Variants in PACS1 observed in about 807,000 individuals in gnomAD.
The protein encoded by PACS1 is phosphofurin acidic cluster sorting protein 1, also known as PACS-1.
PACS1 carries 24 observed loss-of-function variants against 115.0 expected under a neutral mutation model. The observed-to-expected ratio is 0.21, with a 90% CI of 0.15 to 0.29. The LOEUF is 0.29. Ranked by LOEUF, PACS1 falls within the 10% of genes least tolerant of loss-of-function variation. The probability of loss-of-function intolerance (pLI) is 1.00; values close to 1 mark genes in which losing one functional copy is unlikely to be tolerated. For synonymous variants in PACS1, 453 were observed against 504.5 expected (o/e 0.90, Z 1.37); for missense variants, 838 against 1,251.2 (o/e 0.67, Z 4.98).
chr11:66,091,444 T>C (rs1184848435), intron 1 of PACS1, among the ~76,000 whole-genome samples: 3 of 151,982 alleles, frequency 2.0e-5, no homozygotes, highest in African/African-American at 7.2e-5. Flanking sequence ...CCCAGCCTGG[T>C]TTTATTTTTT....
At chr11:66,158,246 C>T (rs999064274) in intron 1 of PACS1, among the ~76,000 whole-genome samples, 1 of 152,174 alleles carries the variant, frequency 6.6e-6, no homozygotes, top group East Asian at 1.9e-4. Flanking sequence ...TGGGACTACA[C>T]GTGTGAGCCA....
rs369232658 is a variant in PACS1, at chr11:66,243,051, C to T, written c.2776+20C>T. 1.0e-4 allele frequency: 162 copies of T among 1,613,256 alleles called. No homozygotes were observed. The highest frequency in any genetic ancestry group is 1.3e-4 in the Non-Finnish European group (148 of 1,179,612). On this transcript the variant is annotated intron_variant, in intron 23 of 23. Transcript: ENST00000320580. ...TGAGAGGTGCGAGGGCAGGCAGGGC[C>T]GGGAGGAGGGCAAGAAAGGGACTGG...
intron 1 of PACS1, among the ~76,000 whole-genome samples, chr11:66,082,713 G>A (rs1282918139): frequency 2.0e-5 from 3 of 152,138 alleles, no homozygotes; most frequent in East Asian, 1.9e-4. Flanking sequence ...AAAATTAGCC[G>A]GGCGTGTGGC....
intron 1 of PACS1, among the ~76,000 whole-genome samples, chr11:66,077,424 G>A (rs1857416224): frequency 6.6e-6 from 1 of 152,136 alleles, no homozygotes; most frequent in Non-Finnish European, 1.5e-5. Flanking sequence ...AGCCAGGTGT[G>A]GTGGCGTGCG....
chr11:66,237,573 A>G (rs1855729663), intron 19 of PACS1, among the ~76,000 whole-genome samples: 2 of 152,192 alleles, frequency 1.3e-5, no homozygotes, highest in Admixed American at 6.5e-5. Context: ...CCTGCAGTCT[A>G]GCCAGTCCCC....
Position 66,236,036 on chromosome 11 carries a change from G to A in PACS1, c.2250+96G>A, listed in dbSNP as rs1467740321. On this transcript the variant is annotated intron_variant, in intron 19 of 23. Transcript: ENST00000320580. This position sits in a 1 kb window ranked among gnomAD's most constrained non-coding sequence, Gnocchi z 4.2. Reference sequence around the variant, plus strand: ...AAACAAAAGATTCATCTAGAACAGTGGTTCTCCAGACACTGGAGATTTTGC... The same window carrying A: ...AAACAAAAGATTCATCTAGAACAGTAGTTCTCCAGACACTGGAGATTTTGC... The A allele has an allele frequency of 3.4e-6, 4 of 1,171,260 alleles. No individual in the cohort carries two copies. Among genetic ancestry groups the A allele is most frequent in the Non-Finnish European group, 3.9e-6 (3 of 776,766 alleles). The allele number at this position is 1,171,260 out of a possible 1,614,324, so 72.6% of individuals were successfully genotyped here.
intron 10 of PACS1, among the ~76,000 whole-genome samples, chr11:66,225,603 A>T (rs1855456033): frequency 6.6e-6 from 1 of 152,194 alleles, no homozygotes; most frequent in Non-Finnish European, 1.5e-5. Flanking sequence ...AATATATACA[A>T]TTTTTATTTG....
At chr11:66,202,581 T>C (rs1790160600) in intron 2 of PACS1, among the ~76,000 whole-genome samples, 1 of 151,530 alleles carries the variant, frequency 6.6e-6, no homozygotes, top group East Asian at 1.9e-4. Context: ...ACAAAACCCA[T>C]GTGATAATCT....
intron 1 of PACS1, among the ~76,000 whole-genome samples, chr11:66,151,067 A>T (rs1859224447): frequency 6.6e-6 from 1 of 152,102 alleles, no homozygotes. Context: ...AGAAAGGGGG[A>T]GGCCCCACAT....
At chr11:66,086,176 C>T (rs572880216) in intron 1 of PACS1, among the ~76,000 whole-genome samples, 11 of 135,556 alleles carry the variant, frequency 8.1e-5, no homozygotes, top group African/African-American at 1.7e-4. Context: ...CTCGCTCTGT[C>T]GCCCAGGCTG....
chr11:66,227,840 T>C (rs919443880), intron 11 of PACS1, among the ~76,000 whole-genome samples: 2 of 152,180 alleles, frequency 1.3e-5, no homozygotes, highest in African/African-American at 2.4e-5. Flanking sequence ...GCTGACCAAA[T>C]GCTAGCTGGG....
chr11:66,123,620 C>T (rs534990069), intron 1 of PACS1, among the ~76,000 whole-genome samples: 1 of 152,096 alleles, frequency 6.6e-6, no homozygotes, highest in South Asian at 2.1e-4. Flanking sequence ...CTACCGGGTT[C>T]ATGCCATTCT....
chr11:66,118,409 C>T (rs1021714433), intron 1 of PACS1, among the ~76,000 whole-genome samples: 3 of 151,812 alleles, frequency 2.0e-5, no homozygotes, highest in African/African-American at 7.3e-5. Flanking sequence ...CCCAGGAGCT[C>T]AAGACCACCC....
chr11:66,111,330 G>A (rs1047377404), intron 1 of PACS1, among the ~76,000 whole-genome samples: 2 of 152,042 alleles, frequency 1.3e-5, no homozygotes, highest in Non-Finnish European at 2.9e-5. Flanking sequence ...GTTGTTCTGC[G>A]GTGCATGACT....
chr11:66,185,015 G>A (rs548239100), intron 1 of PACS1, among the ~76,000 whole-genome samples: 49 of 152,264 alleles, frequency 3.2e-4, no homozygotes, highest in African/African-American at 1.1e-3. Flanking sequence ...GAGGGGACAG[G>A]CCAGGAACTC....
At chr11:66,106,442 C>T (rs571454680) in intron 1 of PACS1, among the ~76,000 whole-genome samples, 2 of 152,104 alleles carry the variant, frequency 1.3e-5, no homozygotes, top group South Asian at 2.1e-4. Flanking sequence ...CGTGGTGACA[C>T]GTACCTGTAA....
In PACS1 at chr11:66,219,767, T is replaced by G; in HGVS notation, c.1000T>G (p.Phe334Val). Residue 334 changes from phenylalanine (F) to valine (V), a missense_variant, in exon 8 of 24, where the codon TTT becomes GTT. Transcript: ENST00000320580. The part of the protein sequence containing the change: ...ITRQPNIKQK[F>V]VALLKRFKVS... ...ACAGCAACCTAACATCAAACAGAAG[T>G]TTGTGGCCCTCCTGAAGCGGTTTAA... The G allele has an allele frequency of 6.2e-7, 1 of 1,613,748 alleles. No individual in the cohort carries two copies. The highest frequency in any genetic ancestry group is 8.5e-7 in the Non-Finnish European group (1 of 1,179,788).
chr11:66,190,610 A>G (rs1854497625), intron 1 of PACS1, among the ~76,000 whole-genome samples: 1 of 152,092 alleles, frequency 6.6e-6, no homozygotes, highest in Non-Finnish European at 1.5e-5. Flanking sequence ...CTGGCCTCGA[A>G]CTACTGGGCT....
Position 66,216,627 on chromosome 11 carries a change from C to T in PACS1, c.897+16C>T, listed in dbSNP as rs557896785. The T allele has an allele frequency of 9.0e-5, 145 of 1,610,522 alleles. No homozygotes were observed. The East Asian group carries it at 3.2e-3, about 35-fold the overall frequency. ...GCATGGGCAGGTAACTTTCTGTGGT[C>T]CCTCACATGGCGTGTCCAAGAAGCT... is the stretch of plus-strand genomic sequence containing the variant. On this transcript the variant is annotated intron_variant, in intron 6 of 23. Coordinates refer to ENST00000320580, the MANE Select transcript of PACS1 (RefSeq NM_018026.4).
Sources: gnomAD v4.1 joint callset for allele counts (sites outside exome capture counted in the v4.1 genomes callset) on GRCh38, gnomAD v4.1.1 for gene constraint, Gnocchi (gnomAD v3.1) non-coding constraint, MANE v1.5 for transcripts, NCBI Gene and HGNC (gene_info 2026-07-23, HGNC 2026-07-21) for gene names.